The following ZNF841 variants were observed in gnomAD, a reference collection of about 807,000 sequenced individuals.
The protein encoded by ZNF841 is zinc finger protein 841.
Under a neutral mutation model 13.0 loss-of-function variants are expected in ZNF841, and 11 were observed. That is an observed-to-expected ratio of 0.85 (90% CI 0.53 to 1.40). ZNF841 has a LOEUF of 1.40. Ranked by LOEUF, ZNF841 falls within the 40% of genes most tolerant of loss-of-function variation. The pLI, the probability that ZNF841 is intolerant of heterozygous loss-of-function variation, is 0.00. For missense variants in ZNF841, 1,068 were observed against 1,139.5 expected, an observed-to-expected ratio of 0.94 and a Z score of 0.90; for synonymous variants, 369 against 381.6, an observed-to-expected ratio of 0.97 and a Z score of 0.38.
the ZNF841 span, chr19:52,058,991 T>G: frequency 6.5e-6 from 1 of 153,506 alleles, no homozygotes; most frequent in Non-Finnish European, 1.5e-5. Context: ...TTTGTTCCCT[T>G]GTACTTCAGT....
At chr19:52,086,369 G>GCGCCTCC (rs1368767188) in intron 3 of ZNF841, among the ~76,000 whole-genome samples, 1 of 152,056 alleles carries the variant, frequency 6.6e-6, no homozygotes, top group Non-Finnish European at 1.5e-5. Flanking sequence ...GAAGTGTGTA[G>GCGCCTCC]CGCCTCCCCC....
At position 52,066,511 on chromosome 19, in the gene ZNF841, G is replaced by A. The variant is rs774372417; in HGVS notation, c.1371C>T (p.Tyr457=). 57 of 1,613,834 alleles carry A rather than the reference G, an allele frequency of 3.5e-5. No homozygotes were observed. Among genetic ancestry groups the A allele is most frequent in the South Asian group, 4.4e-5 (4 of 91,078 alleles). ...AGACCTTGCCACATTCATTACATTTGTAAGGTGTCTCTCCAGTATGAATTA... is the reference window on the plus strand; with the variant it reads ...AGACCTTGCCACATTCATTACATTTATAAGGTGTCTCTCCAGTATGAATTA... ...HQIIHTGETP[Y]KCNECGKVFF... The change falls in exon 7 of 7, where the codon TAC becomes TAT. Residue 457 remains tyrosine (Y), a synonymous_variant. Transcript: ENST00000594440.
At chr19:52,076,877 G>C in intron 5 of ZNF841, 81 bp downstream of exon 5, 1 of 1,525,040 alleles carries the variant, frequency 6.6e-7, no homozygotes, top group Non-Finnish European at 9.0e-7. Context: ...AAATAATGTA[G>C]GGCCTCACAA....
In ZNF841 at chr19:52,065,541, C is replaced by T. The variant is rs764836584; in HGVS notation, c.2341G>A (p.Ala781Thr). 12 of 1,611,844 alleles carry T rather than the reference C, an allele frequency of 7.4e-6. No individual in the cohort carries two copies. Among genetic ancestry groups the T allele is most frequent in the African/African-American group, 2.7e-5 (2 of 74,218 alleles). The change falls in exon 7 of 7, where the codon GCA (alanine) becomes ACA (threonine). Residue 781 changes from alanine to threonine, a missense_variant. By Grantham distance (58) the Ala-to-Thr change is moderately conservative. Transcript: ENST00000594440. Reference sequence around the variant, plus strand: ...CCAGTATGAATACTCCAATGACGTGCGAGGCCTGAGCGATAACGGAAGACC... The same window carrying T: ...CCAGTATGAATACTCCAATGACGTGTGAGGCCTGAGCGATAACGGAAGACC... ...GKVFRYRSGL[A>T]RHWSIHTGEK... is the part of the protein sequence containing the mutation.
intron 4 of ZNF841, among the ~76,000 whole-genome samples, chr19:52,078,567 C>T (rs576032764): frequency 2.6e-5 from 4 of 151,724 alleles, no homozygotes; most frequent in African/African-American, 4.8e-5. Context: ...GGTGTGGTGG[C>T]CGGCGCCTGT....
In ZNF841 at chr19:52,083,678, G is replaced by T. The variant is rs191579186; in HGVS notation, c.15+1109C>A. Among the ~76,000 whole-genome samples, 7 of 151,774 alleles carry T rather than the reference G, an allele frequency of 4.6e-5. No homozygotes were observed. The East Asian group carries it at 1.2e-3, about 25-fold the overall frequency. The stretch of plus-strand genomic sequence containing the variant: ...GATGTTCTTTTTTTAGGTTATGAAG[G>T]GTGTTCTTGATGCCCTGTTTTTTAC... On this transcript the variant is annotated intron_variant, in intron 4 of 6. Coordinates refer to ENST00000594440, the MANE Select transcript of ZNF841 (RefSeq NM_001136499.2).
rs1763014523 is a variant in ZNF841, at chr19:52,065,641, G to A, written c.2241C>T (p.Asn747=). The A allele has an allele frequency of 1.2e-6, 2 of 1,607,884 alleles. No individual in the cohort carries two copies. Among genetic ancestry groups the A allele is most frequent in the South Asian group, 1.1e-5 (1 of 90,518 alleles). Residue 747 remains asparagine (N), a synonymous_variant, in exon 7 of 7, where the codon AAC becomes AAT. Coordinates refer to ENST00000594440, the MANE Select transcript of ZNF841 (RefSeq NM_001136499.2). ...GATGCCTTGCCAGGGTTGTAGTGGA[G>A]TTAAAGACTTTCCCACATTCAATAC... ...YKCIECGKVF[N]STTTLARHRR... is the part of the protein sequence containing the mutation.
intron 1 of ZNF841, among the ~76,000 whole-genome samples, chr19:52,095,026 G>T (rs750095684): frequency 4.0e-5 from 6 of 151,868 alleles, no homozygotes; most frequent in Non-Finnish European, 7.4e-5. Flanking sequence ...GTCGTTCCCC[G>T]TCTTTTCCTC....
chr19:52,076,922 G>C, intron 5 of ZNF841, 36 bp downstream of exon 5: 2 of 1,606,340 alleles, frequency 1.2e-6, no homozygotes, highest in East Asian at 2.2e-5. Context: ...AATGCACAAG[G>C]GAAGATCCTA....
chr19:52,090,644 A>T (rs1190974511), intron 2 of ZNF841, among the ~76,000 whole-genome samples: 8 of 122,378 alleles, frequency 6.5e-5, no homozygotes, highest in Non-Finnish European at 1.3e-4. Context: ...GGAAGGAAGG[A>T]AGGAAGGAAG....
intron 2 of ZNF841, among the ~76,000 whole-genome samples, chr19:52,092,547 G>A (rs957890381): frequency 2.6e-5 from 4 of 152,118 alleles, no homozygotes; most frequent in Non-Finnish European, 5.9e-5. Context: ...TGCTGGGAGT[G>A]TACATCAGTA....
downstream of ZNF841, among the ~76,000 whole-genome samples, chr19:52,063,327 A>C (rs1600072018): frequency 6.6e-6 from 1 of 152,074 alleles, no homozygotes; most frequent in South Asian, 2.1e-4. Context: ...AAATTCTCTC[A>C]AACTCCAAAA....
downstream of ZNF841, chr19:52,063,529 G>C (rs2087441068): frequency 6.6e-6 from 1 of 152,002 alleles, no homozygotes. Flanking sequence ...GTATTTTTTA[G>C]TAGAGATGGG....
At chr19:52,077,162 G>A in intron 4 of ZNF841, 78 bp from the exon 5 acceptor site, 2 of 1,443,272 alleles carry the variant, frequency 1.4e-6, no homozygotes, top group Admixed American at 2.3e-5. Flanking sequence ...GGAGAGAACT[G>A]TCACATCAAT....
At position 52,065,542 on chromosome 19, in the gene ZNF841, G is replaced by A. The variant is rs749888455; in HGVS notation, c.2340C>T (p.Leu780=). 52 of 1,613,356 alleles carry A rather than the reference G, an allele frequency of 3.2e-5. No homozygotes were observed. The highest frequency in any genetic ancestry group is 1.2e-4 in the Admixed American group (7 of 59,942). Residue 780 remains leucine, a synonymous_variant, in exon 7 of 7, where the codon CTC becomes CTT. Coordinates refer to ENST00000594440, the MANE Select transcript of ZNF841 (RefSeq NM_001136499.2). ...CAGTATGAATACTCCAATGACGTGC[G>A]AGGCCTGAGCGATAACGGAAGACCT... ...CGKVFRYRSG[L]ARHWSIHTGE...
downstream of ZNF841, among the ~76,000 whole-genome samples, chr19:52,062,898 C>T (rs189821202): frequency 9.1e-4 from 114 of 125,192 alleles, no homozygotes; most frequent in African/African-American, 2.8e-3. Flanking sequence ...TTTTTTGAGA[C>T]GGAGTCTTGC....
At chr19:52,059,089 C>T in the ZNF841 span, 1 of 153,132 alleles carries the variant, frequency 6.5e-6, no homozygotes, top group South Asian at 2.1e-4. Flanking sequence ...AGCGGTGGCT[C>T]ACACCTGTAA....
chr19:52,091,100 T>G (rs1278155180), intron 2 of ZNF841, among the ~76,000 whole-genome samples: 1 of 152,140 alleles, frequency 6.6e-6, no homozygotes, highest in Non-Finnish European at 1.5e-5. Context: ...CCAAATATAC[T>G]CTTTTGTCTT....
chr19:52,090,783 T>C (rs144317803), intron 2 of ZNF841, among the ~76,000 whole-genome samples: 170 of 152,182 alleles, frequency 1.1e-3, no homozygotes, highest in African/African-American at 3.9e-3. Flanking sequence ...TGCATTCCAC[T>C]GAAGGCTATA....
Sources: allele counts gnomAD v4.1 joint callset (sites outside exome capture counted in the v4.1 genomes callset), GRCh38; gene constraint gnomAD v4.1.1; transcripts MANE v1.5; gene names NCBI Gene and HGNC (gene_info 2026-07-23, HGNC 2026-07-21).